CCNB2: variants seen among roughly 807,000 people sequenced by gnomAD.
CCNB2 encodes the protein cyclin B2.
A neutral mutation model predicts 51.1 loss-of-function variants in CCNB2; 39 were observed. The observed-to-expected ratio is 0.76, with a 90% CI of 0.59 to 1.00. The LOEUF is 1.00. Among genes scored for constraint, CCNB2 ranks in the 50% least tolerant of loss-of-function variants. CCNB2 has a pLI of 0.00. For synonymous variants in CCNB2, 174 were observed against 165.5 expected (o/e 1.05, Z -0.40); for missense variants, 472 against 470.3 (o/e 1.00, Z -0.03).
At position 59,114,759 on chromosome 15, in the gene CCNB2, T is replaced by C. The variant is rs937993546; in HGVS notation, c.480T>C (p.Asp160=). ...SINPHFLDGR[D]INGRMRAILV... Reference sequence around the variant, plus strand: ...ACCCACATTTCTTAGATGGAAGAGATATAAATGGACGCATGCGTGCCATCC... The same window carrying C: ...ACCCACATTTCTTAGATGGAAGAGACATAAATGGACGCATGCGTGCCATCC... The change falls in exon 5 of 9, where the codon GAT becomes GAC. Residue 160 remains aspartate, a synonymous_variant. Transcript: ENST00000288207. The C allele has an allele frequency of 1.9e-6, 3 of 1,614,072 alleles. No individual in the cohort carries two copies. The Admixed American group carries it at 5.0e-5, about 27-fold the overall frequency.
intron 3 of CCNB2, among the ~76,000 whole-genome samples, chr15:59,109,935 C>T (rs1312610583): frequency 4.6e-5 from 7 of 151,956 alleles, no homozygotes; most frequent in African/African-American, 9.7e-5. Flanking sequence ...TGCAGTGAGC[C>T]GAGATTGTGC....
chr15:59,118,411 C>T (rs1440695475), intron 7 of CCNB2, among the ~76,000 whole-genome samples: 5 of 152,098 alleles, frequency 3.3e-5, no homozygotes, highest in African/African-American at 9.7e-5. Flanking sequence ...CTGTCTTGGC[C>T]GGGTGCCATG....
rs556225520 is a variant in CCNB2, at chr15:59,116,704, C to T, written c.612C>T (p.Ser204=). The T allele has an allele frequency of 1.3e-5, 21 of 1,610,086 alleles. No homozygotes were observed. Among genetic ancestry groups the T allele is most frequent in the Middle Eastern group, 2.2e-4 (1 of 4,560 alleles). ...TTTTCCATTAGGTTCAGCCAGTTTC[C>T]CGGAAGAAGCTTCAATTAGTTGGGA... ...MDRFLQVQPV[S]RKKLQLVGIT... is the part of the protein sequence containing the mutation. The change falls in exon 6 of 9, where the codon TCC becomes TCT. Residue 204 remains serine, a synonymous_variant. Coordinates refer to ENST00000288207, the MANE Select transcript of CCNB2 (RefSeq NM_004701.4).
chr15:59,105,422 C>A, intron 1 of CCNB2, 130 bp downstream of exon 1: 1 of 1,044,280 alleles, frequency 9.6e-7, no homozygotes, highest in Admixed American at 2.3e-5. Flanking sequence ...GAGCTCACTG[C>A]TTCGCCCGCG....
chr15:59,107,504 G>C (rs1246757907), intron 2 of CCNB2, 53 bp from the exon 3 acceptor site: 1 of 1,613,492 alleles, frequency 6.2e-7, no homozygotes, highest in Non-Finnish European at 8.5e-7. Context: ...GTATAGTGCT[G>C]AGTCCCACAA....
rs150060871 is a variant in CCNB2 at position 59,124,020 on chromosome 15, G to A, written c.1086+393G>A. ...TTCAAATGGCGGTGTATTATATTGCGTATTCAGGTGATGTTACTCAGAGCC... is the reference window on the plus strand; with the variant it reads ...TTCAAATGGCGGTGTATTATATTGCATATTCAGGTGATGTTACTCAGAGCC... On this transcript the variant is annotated intron_variant, in intron 8 of 8. Transcript: ENST00000288207. 12 of 175,718 alleles carry A rather than the reference G, an allele frequency of 6.8e-5. 1 individual carries two copies. The East Asian group carries it at 1.3e-3, about 20-fold the overall frequency. The allele number at this position is 175,718 out of a possible 1,614,324, so 10.9% of individuals were successfully genotyped here.
intron 3 of CCNB2, among the ~76,000 whole-genome samples, chr15:59,109,635 G>T (rs1432870149): frequency 6.6e-6 from 1 of 152,176 alleles, no homozygotes; most frequent in Non-Finnish European, 1.5e-5. Context: ...AATATTGATG[G>T]TAGTTATTTT....
chr15:59,118,667 G>A (rs1203005087), intron 7 of CCNB2, among the ~76,000 whole-genome samples: 10 of 152,200 alleles, frequency 6.6e-5, no homozygotes, highest in Non-Finnish European at 1.3e-4. Flanking sequence ...CTGGCGGACA[G>A]GGCGAGACTC....
intron 7 of CCNB2, among the ~76,000 whole-genome samples, chr15:59,122,536 T>TC (rs1491256641): frequency 9.0e-5 from 13 of 145,012 alleles, no homozygotes; most frequent in African/African-American, 3.2e-4. Context: ...TTTTTTTTTT[T>TC]CTTTTTTTTT....
rs28383517 is a variant in CCNB2 at position 59,110,743 on chromosome 15, C to T, written c.267+3073C>T. ...GTTGACACAACTGAATCACAAAGTG[C>T]CCTGGCTGAGACCTCGGAAGAGTTC... On this transcript the variant is annotated intron_variant, in intron 3 of 8. Transcript: ENST00000288207. Among the ~76,000 whole-genome samples, 55 of 152,320 alleles carry T rather than the reference C, an allele frequency of 3.6e-4. No homozygotes were observed. In the Middle Eastern group the frequency reaches 0.02, roughly 57 times the overall value.
At chr15:59,120,721 G>T (rs953073095) in intron 7 of CCNB2, among the ~76,000 whole-genome samples, 2 of 152,144 alleles carry the variant, frequency 1.3e-5, no homozygotes, top group Non-Finnish European at 2.9e-5. Flanking sequence ...GTGCATCAAT[G>T]AATGCAAAAA....
Position 59,117,338 on chromosome 15 carries a change from G to C in CCNB2, c.945G>C (p.Leu315Phe). ...AGGTAGCAGCAGCTGCTTCCTGCTT[G>C]TCTCAGAAGGTTCTAGGACAAGGAA... Reference protein sequence around the residue: ...PSKVAAAASCLSQKVLGQGKW... With the variant: ...PSKVAAAASCFSQKVLGQGKW... Residue 315 changes from leucine to phenylalanine, a missense_variant, in exon 7 of 9, where the codon TTG becomes TTC. Leu to Phe is a conservative substitution (Grantham distance 22). Coordinates refer to ENST00000288207, the MANE Select transcript of CCNB2 (RefSeq NM_004701.4). 6.2e-7 allele frequency: 1 copy of C among 1,614,020 alleles called. No individual in the cohort carries two copies. The highest frequency in any genetic ancestry group is 1.7e-5 in the Admixed American group (1 of 60,028).
At chr15:59,119,939 C>A (rs2079295428) in intron 7 of CCNB2, among the ~76,000 whole-genome samples, 1 of 152,154 alleles carries the variant, frequency 6.6e-6, no homozygotes. Flanking sequence ...AACTCCTAGG[C>A]TCAAGTGATC....
At chr15:59,105,542 G>T (rs1461627063) in intron 1 of CCNB2, among the ~76,000 whole-genome samples, 1 of 152,200 alleles carries the variant, frequency 6.6e-6, no homozygotes, top group Non-Finnish European at 1.5e-5. Flanking sequence ...AAGCGCTTCC[G>T]AGATGGCGCC....
chr15:59,119,306 A>T (rs536432207), intron 7 of CCNB2, among the ~76,000 whole-genome samples: 2 of 145,132 alleles, frequency 1.4e-5, no homozygotes, highest in South Asian at 2.1e-4. Flanking sequence ...ATAAAAAATT[A>T]AAAAATTAGC....
chr15:59,107,177 A>AC (rs2079238587), intron 1 of CCNB2, 145 bp from the exon 2 acceptor site: 1 of 694,418 alleles, frequency 1.4e-6, no homozygotes, highest in South Asian at 2.0e-5. Flanking sequence ...GCATTTTTAG[A>AC]CTTCCTGAAA....
intron 7 of CCNB2, among the ~76,000 whole-genome samples, chr15:59,123,221 T>C (rs1273577992): frequency 6.6e-6 from 1 of 152,158 alleles, no homozygotes; most frequent in African/African-American, 2.4e-5. Flanking sequence ...CCCCTTTCAG[T>C]GTTGTTACTT....
At chr15:59,120,367 C>G (rs2079297179) in intron 7 of CCNB2, among the ~76,000 whole-genome samples, 2 of 152,054 alleles carry the variant, frequency 1.3e-5, no homozygotes, top group Non-Finnish European at 2.9e-5. Flanking sequence ...GTAGCATGTG[C>G]CTATAGTCCC....
At chr15:59,107,301 A>AC in intron 1 of CCNB2, 21 bp from the exon 2 acceptor site, 1 of 1,420,132 alleles carries the variant, frequency 7.0e-7, no homozygotes, top group Non-Finnish European at 9.5e-7. Flanking sequence ...AGGTTTCATT[A>AC]CTTTTTTTTT....
Sources: gnomAD v4.1 joint callset for allele counts (sites outside exome capture counted in the v4.1 genomes callset) on GRCh38, gnomAD v4.1.1 for gene constraint, MANE v1.5 for transcripts, NCBI Gene and HGNC (gene_info 2026-07-23, HGNC 2026-07-21) for gene names.